Variants in SLC25A43 observed in about 807,000 individuals in gnomAD.
SLC25A43 encodes the protein solute carrier family 25, member 43.
SLC25A43 carries 10 observed loss-of-function variants against 22.8 expected under a neutral mutation model. The ratio of observed to expected loss-of-function variants is 0.44; its 90% confidence interval spans 0.27 to 0.74. SLC25A43 has a LOEUF of 0.74. Ranked by LOEUF, SLC25A43 falls within the 30% of genes least tolerant of loss-of-function variation. The pLI, the probability that SLC25A43 is intolerant of heterozygous loss-of-function variation, is 0.17. For missense variants in SLC25A43, 233 were observed against 279.1 expected (o/e 0.83, Z 1.18); for synonymous variants, 106 against 121.6 (o/e 0.87, Z 0.84).
chrX:119,443,149 T>A, intron 3 of SLC25A43, among the ~76,000 whole-genome samples: 1 of 90,405 alleles, frequency 1.1e-5, no homozygotes, highest in South Asian at 6.5e-4. Flanking sequence ...AGACAGAATC[T>A]CACTCTGTCA....
At chrX:119,432,989 C>A (rs962989170) in intron 3 of SLC25A43, among the ~76,000 whole-genome samples, 1 of 109,858 alleles carries the variant, frequency 9.1e-6, no homozygotes, top group African/African-American at 3.3e-5. Context: ...ATCCCAGCTA[C>A]TCGGGAGGCT....
In SLC25A43 at chrX:119,404,795, A is replaced by G. The variant is rs189180006; in HGVS notation, c.276-1665A>G. 2.1e-3 allele frequency among the ~76,000 whole-genome samples: 229 copies of G among 109,924 alleles called. 4 individuals are homozygous for G. Among genetic ancestry groups the G allele is most frequent in the Admixed American group, 0.021 (209 of 10,191 alleles). Reference sequence around the variant, plus strand: ...ATTGTCGGGCCACACATAAAATACAATAACACTAACGATAGCTGATGAGCT... The same window carrying G: ...ATTGTCGGGCCACACATAAAATACAGTAACACTAACGATAGCTGATGAGCT... On this transcript the variant is annotated intron_variant, in intron 1 of 4. Coordinates refer to ENST00000217909, the MANE Select transcript of SLC25A43 (RefSeq NM_145305.3).
chrX:119,454,338 ACC>A lies in SLC25A43; in HGVS notation c.*1274_*1275del, dbSNP rs2052726942. ...TATATAACTATACTTGTCAAATAGC[ACC>A]TATCTATGCATTTAAAAATGCATTA... On this transcript the variant is annotated 3_prime_UTR_variant, in exon 5 of 5. Transcript: ENST00000217909. 8.9e-6 allele frequency: 1 copy of A among 112,538 alleles called. No homozygotes were observed. The highest frequency in any genetic ancestry group is 2.8e-4 in the East Asian group (1 of 3,624). 9.3% of individuals were successfully genotyped at this position (112,538 alleles called of 1,213,427 possible). A position where few individuals can be genotyped will look rare whatever the true frequency, so the allele number is the denominator to read the frequency against.
At chrX:119,406,031 CAA>C (rs1233586122) in intron 1 of SLC25A43, among the ~76,000 whole-genome samples, 1 of 88,723 alleles carries the variant, frequency 1.1e-5, no homozygotes, top group South Asian at 4.8e-4. Context: ...GACTCTGCCT[CAA>C]AAAAAAAAAA....
At chrX:119,446,151 CAAAAAAAA>C (rs3078475) in intron 3 of SLC25A43, among the ~76,000 whole-genome samples, 10 of 38,694 alleles carry the variant, frequency 2.6e-4, no homozygotes, top group Non-Finnish European at 3.8e-4. Context: ...GACTCCATCT[CAAAAAAAA>C]AAAAAAAAAA....
intron 3 of SLC25A43, among the ~76,000 whole-genome samples, chrX:119,414,105 G>A (rs757645134): frequency 8.9e-6 from 1 of 111,976 alleles, no homozygotes; most frequent in East Asian, 2.8e-4. Context: ...AATATTAATT[G>A]TCACTTTTTA....
intron 2 of SLC25A43, among the ~76,000 whole-genome samples, chrX:119,408,540 C>A (rs1429514587): frequency 8.9e-6 from 1 of 111,736 alleles, no homozygotes; most frequent in African/African-American, 3.3e-5. Context: ...CTTTCGATTC[C>A]CAGCACCTGA....
intron 3 of SLC25A43, among the ~76,000 whole-genome samples, chrX:119,427,262 C>T (rs773956612): frequency 1.8e-5 from 2 of 111,852 alleles, no homozygotes; most frequent in Non-Finnish European, 3.8e-5. Context: ...CCCCAATCAC[C>T]ACACAGGAAC....
At chrX:119,400,429 A>G (rs1176077689) in intron 1 of SLC25A43, among the ~76,000 whole-genome samples, 1 of 111,713 alleles carries the variant, frequency 9.0e-6, no homozygotes, top group Non-Finnish European at 1.9e-5. Context: ...TGAACTGGAA[A>G]CCAAGCCTGA....
intron 3 of SLC25A43, among the ~76,000 whole-genome samples, chrX:119,414,454 G>A (rs4825637): frequency 0.013 from 1,471 of 110,849 alleles, 46 homozygotes; most frequent in Admixed American, 0.097. Context: ...GAGTGCAGTA[G>A]CAGTTCAAGC....
intron 2 of SLC25A43, among the ~76,000 whole-genome samples, chrX:119,407,775 G>A (rs1442572966): frequency 1.8e-5 from 2 of 110,714 alleles, no homozygotes; most frequent in African/African-American, 6.6e-5. Context: ...TCTTCCTCCT[G>A]TGTTCCCTAA....
chrX:119,402,431 C>T (rs1191527888), intron 1 of SLC25A43, among the ~76,000 whole-genome samples: 15 of 111,310 alleles, frequency 1.3e-4, no homozygotes, highest in Non-Finnish European at 2.8e-4. Context: ...AAATAGAAGA[C>T]CCCCCCGCCC....
At chrX:119,423,022 A>C (rs1300771216) in intron 3 of SLC25A43, 2 of 111,370 alleles carry the variant, frequency 1.8e-5, no homozygotes, top group African/African-American at 3.3e-5. Context: ...TGGTTGCAGA[A>C]TCCCTCTCTG....
intron 1 of SLC25A43, among the ~76,000 whole-genome samples, chrX:119,403,797 A>G (rs1285894821): frequency 1.8e-5 from 2 of 110,637 alleles, no homozygotes; most frequent in Non-Finnish European, 3.8e-5. Flanking sequence ...CACAACAACA[A>G]CCCTCAACAC....
intron 2 of SLC25A43, 68 bp from the exon 3 acceptor site, chrX:119,410,122 G>T: frequency 8.9e-7 from 1 of 1,127,346 alleles, no homozygotes; most frequent in Non-Finnish European, 1.2e-6. Flanking sequence ...AATCCCCCCA[G>T]GAATTTATGT....
intron 3 of SLC25A43, among the ~76,000 whole-genome samples, chrX:119,441,211 C>T (rs1289708189): frequency 1.5e-4 from 8 of 53,958 alleles, no homozygotes; most frequent in Admixed American, 6.9e-4. Context: ...GCGCAATATT[C>T]GGGTGGGAGT....
At chrX:119,426,978 G>C (rs2052512035) in intron 3 of SLC25A43, among the ~76,000 whole-genome samples, 1 of 111,540 alleles carries the variant, frequency 9.0e-6, no homozygotes, top group Non-Finnish European at 1.9e-5. Context: ...TTTTTGGTTT[G>C]GTTAGCGTAA....
intron 3 of SLC25A43, among the ~76,000 whole-genome samples, chrX:119,430,601 G>T (rs1006093806): frequency 8.9e-6 from 1 of 112,178 alleles, no homozygotes; most frequent in Non-Finnish European, 1.9e-5. Context: ...CCAATCAGTG[G>T]CTCTCAACCC....
At chrX:119,449,065 CAGTAA>C (rs2052686541) in intron 3 of SLC25A43, among the ~76,000 whole-genome samples, 2 of 110,595 alleles carry the variant, frequency 1.8e-5, no homozygotes, top group South Asian at 7.7e-4. Flanking sequence ...GGTAAAATGT[CAGTAA>C]AGTAGTCAGT....
Sources: gnomAD v4.1 joint callset for allele counts (sites outside exome capture counted in the v4.1 genomes callset) on GRCh38, gnomAD v4.1.1 for gene constraint, MANE v1.5 for transcripts, NCBI Gene and HGNC (gene_info 2026-07-23, HGNC 2026-07-21) for gene names.